Variants in CCDC171 observed in about 807,000 individuals in gnomAD.
CCDC171 encodes the protein coiled-coil domain-containing protein 171.
In CCDC171, 177 loss-of-function variants were observed where a neutral mutation model predicts 168.2. The observed-to-expected ratio is 1.05, with a 90% confidence interval of 0.93 to 1.19. The LOEUF (loss-of-function observed/expected upper bound fraction) is 1.19. Ranked by LOEUF, CCDC171 falls within the 50% of genes most tolerant of loss-of-function variation. CCDC171 has a pLI of 0.00. For missense variants in CCDC171, 1,991 were observed against 1,539.0 expected (o/e 1.29, Z -4.91); for synonymous variants, 687 against 540.8 (o/e 1.27, Z -3.75).
intron 24 of CCDC171, among the ~76,000 whole-genome samples, chr9:15,909,404 A>G (rs1382806691): frequency 3.3e-4 from 2 of 6,088 alleles, no homozygotes; most frequent in Non-Finnish European, 6.3e-4. Context: ...ATGTGCGTAC[A>G]CACACACACA....
rs150678900 is a variant in CCDC171 at position 15,718,873 on chromosome 9, G to A, written c.1319-2896G>A. 4.9e-3 allele frequency among the ~76,000 whole-genome samples: 744 copies of A among 152,286 alleles called. 11 individuals are homozygous for A. Among genetic ancestry groups the A allele is most frequent in the African/African-American group, 0.017 (705 of 41,550 alleles). Reference sequence around the variant, plus strand: ...TCTCGGGAAGGACAGGTACTAATAAGTCCAGACTGCATAGACTAAAATAAA... The same window carrying A: ...TCTCGGGAAGGACAGGTACTAATAAATCCAGACTGCATAGACTAAAATAAA... On this transcript the variant is annotated intron_variant, in intron 11 of 25. Coordinates refer to ENST00000380701, the MANE Select transcript of CCDC171 (RefSeq NM_173550.4).
chr9:15,839,892 GA>G (rs1252647215), intron 21 of CCDC171, among the ~76,000 whole-genome samples: 10 of 152,014 alleles, frequency 6.6e-5, no homozygotes, highest in African/African-American at 2.4e-4. Flanking sequence ...AAACTTTTAA[GA>G]AAAAACTCAA....
intron 8 of CCDC171, among the ~76,000 whole-genome samples, chr9:15,663,508 A>G (rs1325920261): frequency 6.6e-6 from 1 of 151,992 alleles, no homozygotes; most frequent in Non-Finnish European, 1.5e-5. Context: ...GTAGCATACT[A>G]TATACGCTGA....
At chr9:15,808,850 A>C (rs1357122071) in intron 21 of CCDC171, among the ~76,000 whole-genome samples, 2 of 124,790 alleles carry the variant, frequency 1.6e-5, no homozygotes, top group African/African-American at 6.1e-5. Flanking sequence ...TAGCTTATAA[A>C]CAGCAGAAAT....
intron 10 of CCDC171, among the ~76,000 whole-genome samples, chr9:15,694,697 A>C (rs1363483952): frequency 6.6e-6 from 1 of 152,192 alleles, no homozygotes; most frequent in Non-Finnish European, 1.5e-5. Context: ...ATGCAGTTTT[A>C]CTAAAGTCTG....
At chr9:16,041,576 A>C (rs1216493305), upstream of CCDC171, among the ~76,000 whole-genome samples, 2 of 152,164 alleles carry the variant, frequency 1.3e-5, no homozygotes, top group Non-Finnish European at 2.9e-5. Context: ...AATAATTTAT[A>C]TTTCTGAAAT....
intron 23 of CCDC171, among the ~76,000 whole-genome samples, chr9:15,856,806 C>A (rs948202623): frequency 6.6e-6 from 1 of 151,970 alleles, no homozygotes; most frequent in Non-Finnish European, 1.5e-5. Flanking sequence ...GCATCTGCAC[C>A]ACTTTACATT....
chr9:15,617,022 G>A (rs2044131631), intron 6 of CCDC171, among the ~76,000 whole-genome samples: 2 of 152,192 alleles, frequency 1.3e-5, no homozygotes. Flanking sequence ...GGCAAAGGGG[G>A]AGCAGGCATG....
intron 20 of CCDC171, 44 bp downstream of exon 20, chr9:15,779,194 ATTTC>A (rs780988239): frequency 3.4e-6 from 4 of 1,166,440 alleles, no homozygotes; most frequent in Middle Eastern, 4.6e-4. Flanking sequence ...GCTGATATAT[ATTTC>A]TTTATCTCTA....
the CCDC171 span, among the ~76,000 whole-genome samples, chr9:16,089,605 G>C: frequency 2.0e-5 from 3 of 151,840 alleles, no homozygotes; most frequent in African/African-American, 7.3e-5. Context: ...TGGCTAGCCA[G>C]TTTTCCCAAC....
intron 4 of CCDC171, among the ~76,000 whole-genome samples, chr9:15,580,441 AACAG>A (rs1181058456): frequency 5.9e-5 from 9 of 152,204 alleles, no homozygotes; most frequent in Non-Finnish European, 1.0e-4. Context: ...CAGCAGAGTA[AACAG>A]ACAGCACAGA....
intron 7 of CCDC171, among the ~76,000 whole-genome samples, chr9:15,641,296 C>T (rs1343046355): frequency 6.6e-6 from 1 of 152,174 alleles, no homozygotes; most frequent in African/African-American, 2.4e-5. Flanking sequence ...TAATTCATCT[C>T]ATTTTTCTTG....
chr9:15,713,133 G>T (rs60651191), intron 11 of CCDC171, among the ~76,000 whole-genome samples: 1 of 152,058 alleles, frequency 6.6e-6, no homozygotes, highest in African/African-American at 2.4e-5. Flanking sequence ...TTGTATATTT[G>T]GTCTTCTCTC....
chr9:15,718,135 C>G (rs1394007083), intron 11 of CCDC171, among the ~76,000 whole-genome samples: 1 of 152,178 alleles, frequency 6.6e-6, no homozygotes, highest in Non-Finnish European at 1.5e-5. Context: ...GACCTGGCAG[C>G]ATTCACCACA....
At chr9:15,721,704 T>C (rs1351493505) in intron 11 of CCDC171, 65 bp from the exon 12 acceptor site, 4 of 774,496 alleles carry the variant, frequency 5.2e-6, no homozygotes, top group Non-Finnish European at 8.0e-6. Context: ...TCTCTGTTAC[T>C]ATTTGCCTAA....
rs756540891 is a variant in CCDC171 at position 15,578,825 on chromosome 9, T to G, written c.178-24T>G. On this transcript the variant is annotated intron_variant, in intron 3 of 25. Coordinates refer to ENST00000380701, the MANE Select transcript of CCDC171 (RefSeq NM_173550.4). ...TGATCTCATAATCTTTGGACACATG[T>G]TGATATCAGGAATCTGTTTTTAGCT... The G allele has an allele frequency of 1.0e-5, 16 of 1,597,168 alleles. No homozygotes were observed. The Admixed American group carries it at 2.4e-4, about 24-fold the overall frequency.
downstream of CCDC171, among the ~76,000 whole-genome samples, chr9:16,062,920 G>A (rs573278670): frequency 3.9e-5 from 6 of 152,260 alleles, no homozygotes; most frequent in Non-Finnish European, 7.4e-5. Flanking sequence ...ACATGTGCTC[G>A]GTGTAGCTCT....
intron 7 of CCDC171, among the ~76,000 whole-genome samples, chr9:15,640,027 A>C (rs7032755): frequency 0.47 from 71,124 of 151,462 alleles, 17,117 homozygotes; most frequent in East Asian, 0.76. Context: ...TCTGGCATAT[A>C]GTAGGTACTC....
chr9:15,723,356 AT>A (rs1402701052), intron 12 of CCDC171, among the ~76,000 whole-genome samples: 1 of 152,180 alleles, frequency 6.6e-6, no homozygotes, highest in African/African-American at 2.4e-5. Flanking sequence ...GTCCAGTAGG[AT>A]TTTAAGAATA....
Sources: allele counts gnomAD v4.1 joint callset (sites outside exome capture counted in the v4.1 genomes callset), GRCh38; gene constraint gnomAD v4.1.1; transcripts MANE v1.5; gene names NCBI Gene and HGNC (gene_info 2026-07-23, HGNC 2026-07-21).